The following NOL4L variants were observed in gnomAD, a reference collection of about 807,000 sequenced individuals.
NOL4L encodes nucleolar protein 4 like.
NOL4L carries 7 observed loss-of-function variants against 64.5 expected under a neutral mutation model. The observed-to-expected ratio is 0.11, with a 90% CI of 0.06 to 0.20. NOL4L has a LOEUF of 0.20. NOL4L is among the 10% of genes least tolerant of loss of function. The probability of loss-of-function intolerance (pLI) is 1.00; values close to 1 mark genes in which losing one functional copy is unlikely to be tolerated. For synonymous variants in NOL4L, 413 were observed against 401.0 expected, an observed-to-expected ratio of 1.03 and a Z score of -0.36; for missense variants, 680 against 967.1, an observed-to-expected ratio of 0.70 and a Z score of 3.94.
rs1183839888 is a variant in NOL4L, at chr20:32,452,883, C to A, written c.1620+1G>T. The A allele has an allele frequency of 1.2e-6, 2 of 1,613,748 alleles. No homozygotes were observed. The highest frequency in any genetic ancestry group is 1.3e-5 in the African/African-American group (1 of 74,946). On this transcript the variant is annotated splice_donor_variant, in intron 9 of 10. Coordinates refer to ENST00000621426, the MANE Select transcript of NOL4L (RefSeq NM_001256798.2). LOFTEE classifies it high-confidence loss of function. Reference sequence around the variant, plus strand: ...CCTGTAGTGGCTGCGGTGGCAGGTACCTGTGAGGACTGGTAGATCTCTAGA... The same window carrying A: ...CCTGTAGTGGCTGCGGTGGCAGGTAACTGTGAGGACTGGTAGATCTCTAGA...
At position 32,447,787 on chromosome 20, in the gene NOL4L, C is replaced by A. The variant is rs759964502; in HGVS notation, c.1852G>T (p.Ala618Ser). ...GPTDLSMKGG[A>S]STTSTTPTPT... ...GTGGGGGTGGTGGAGGTGGTAGAGG[C>A]CCCGCCTTTCATGCTGAGGTCCGTG... The change falls in exon 11 of 11, where the codon GCC becomes TCC. Residue 618 changes from alanine (A) to serine (S), a missense_variant. Ala to Ser is a moderately conservative substitution (Grantham distance 99). Transcript: ENST00000621426. 1.3e-6 allele frequency: 2 copies of A among 1,572,514 alleles called. No individual in the cohort carries two copies. The highest frequency in any genetic ancestry group is 2.3e-5 in the South Asian group (2 of 85,778).
intron 1 of NOL4L, among the ~76,000 whole-genome samples, chr20:32,543,133 G>A (rs1375841078): frequency 6.6e-6 from 1 of 152,164 alleles, no homozygotes; most frequent in East Asian, 1.9e-4. Flanking sequence ...TCTGCCATCA[G>A]GGGATGCAAT....
rs1485853817 is a variant in NOL4L, at chr20:32,527,709, C to G, written c.477+49G>C. 5.3e-6 allele frequency: 8 copies of G among 1,509,252 alleles called. No individual in the cohort carries two copies. The South Asian group carries it at 1.0e-4, about 19-fold the overall frequency. The allele number at this position is 1,509,252 out of a possible 1,614,324, so 93.5% of individuals were successfully genotyped here. On this transcript the variant is annotated intron_variant, in intron 2 of 10. Transcript: ENST00000621426. Reference sequence around the variant, plus strand: ...CAACATGTGCGGAGCCCGTGGCCTCCTGCCAAGGCCTGGGGCTGCCAGTGG... The same window carrying G: ...CAACATGTGCGGAGCCCGTGGCCTCGTGCCAAGGCCTGGGGCTGCCAGTGG...
rs957954677 is a variant in NOL4L at position 32,448,345 on chromosome 20, C to T, written c.1823-529G>A. ...GGAAAGCCCAGGAGGAGCTGAGAGT[C>T]GAGCCACAAAAGGCCAGGAGAAGAA... On this transcript the variant is annotated intron_variant, in intron 10 of 10. Coordinates refer to ENST00000621426, the MANE Select transcript of NOL4L (RefSeq NM_001256798.2). Among the ~76,000 whole-genome samples, 5 of 151,850 alleles carry T rather than the reference C, an allele frequency of 3.3e-5. No individual in the cohort carries two copies. The East Asian group carries it at 5.8e-4, about 18-fold the overall frequency.
intron 4 of NOL4L, among the ~76,000 whole-genome samples, chr20:32,504,376 C>T (rs991177176): frequency 2.0e-5 from 3 of 151,914 alleles, no homozygotes; most frequent in African/African-American, 4.8e-5. Flanking sequence ...CTGGCTAACA[C>T]AGTGAAACCC....
At chr20:32,534,615 G>A (rs1249583609) in intron 1 of NOL4L, among the ~76,000 whole-genome samples, 1 of 152,182 alleles carries the variant, frequency 6.6e-6, no homozygotes, top group Non-Finnish European at 1.5e-5. Context: ...CACTTTGGGA[G>A]ACAGAGGTGG....
intron 1 of NOL4L, among the ~76,000 whole-genome samples, chr20:32,544,996 G>A (rs961012168): frequency 3.3e-5 from 5 of 152,012 alleles, no homozygotes; most frequent in African/African-American, 1.2e-4. Flanking sequence ...GATCTAGGCA[G>A]TGTGACTCCA....
intron 1 of NOL4L, among the ~76,000 whole-genome samples, chr20:32,539,936 T>G (rs909275154): frequency 2.0e-5 from 3 of 152,160 alleles, no homozygotes; most frequent in Non-Finnish European, 4.4e-5. Context: ...CTCCTGCCCC[T>G]CGGCCGGGGC....
intron 2 of NOL4L, among the ~76,000 whole-genome samples, chr20:32,525,252 C>T (rs566488792): frequency 3.3e-5 from 5 of 152,212 alleles, no homozygotes; most frequent in East Asian, 1.9e-4. Context: ...TGCCTGTGGA[C>T]GAGGCTTGAT....
At chr20:32,485,259 G>A (rs2016039088) in intron 4 of NOL4L, among the ~76,000 whole-genome samples, 1 of 151,998 alleles carries the variant, frequency 6.6e-6, no homozygotes, top group African/African-American at 2.4e-5. Flanking sequence ...GAAACAGACT[G>A]CCTTTAACCC....
rs1275367391 is a variant in NOL4L at position 32,464,755 on chromosome 20, A to G, written c.842-8360T>C. On this transcript the variant is annotated intron_variant, in intron 5 of 10. Coordinates refer to ENST00000621426, the MANE Select transcript of NOL4L (RefSeq NM_001256798.2). The surrounding 1 kb of genome is among the most constrained non-coding windows in gnomAD (Gnocchi z 5.6). ...TGAGTGCCCTAGTACCCACATTTTA[A>G]AAAGTAATAAAGAAACAGGTGAAAT... 1 of 357,018 alleles carries G rather than the reference A, an allele frequency of 2.8e-6. No homozygotes were observed. Among genetic ancestry groups the G allele is most frequent in the Non-Finnish European group, 5.0e-6 (1 of 200,604 alleles). The allele number at this position is 357,018 out of a possible 1,614,324, so 22.1% of individuals were successfully genotyped here. A position where few individuals can be genotyped will look rare whatever the true frequency, so the allele number is the denominator to read the frequency against.
chr20:32,447,829 A>T lies in NOL4L; in HGVS notation c.1823-13T>A, dbSNP rs2145417226. ...AGGTCCGTGGGCCCTGTGGAGAGGG[A>T]AGTAGGGTGAGAAGGGAGCAGCCAC... On this transcript the variant is annotated splice_polypyrimidine_tract_variant and intron_variant, in intron 10 of 10. Coordinates refer to ENST00000621426, the MANE Select transcript of NOL4L (RefSeq NM_001256798.2). 1 of 1,533,284 alleles carries T rather than the reference A, an allele frequency of 6.5e-7. No homozygotes were observed. Among genetic ancestry groups the T allele is most frequent in the East Asian group, 2.3e-5 (1 of 43,828 alleles). The allele number at this position is 1,533,284 out of a possible 1,614,324, so 95.0% of individuals were successfully genotyped here. A position where few individuals can be genotyped will look rare whatever the true frequency, so the allele number is the denominator to read the frequency against.
chr20:32,479,895 C>T (rs572719835), intron 4 of NOL4L, among the ~76,000 whole-genome samples: 1 of 152,360 alleles, frequency 6.6e-6, no homozygotes, highest in South Asian at 2.1e-4. Context: ...TGACCAGACT[C>T]TCCCTGCTCT....
chr20:32,474,896 T>C (rs2015284067), intron 4 of NOL4L, 154 bp from the exon 5 acceptor site: 1 of 985,112 alleles, frequency 1.0e-6, no homozygotes, highest in African/African-American at 1.7e-5. Flanking sequence ...TGGGTGGTGC[T>C]CCCCCTTGCC....
chr20:32,554,074 A>C (rs1978478675), intron 1 of NOL4L, among the ~76,000 whole-genome samples: 1 of 152,146 alleles, frequency 6.6e-6, no homozygotes, highest in African/African-American at 2.4e-5. Context: ...TAATCCCAGC[A>C]CTTTGGGAGG....
chr20:32,556,702 C>T (rs1324345530), intron 1 of NOL4L, among the ~76,000 whole-genome samples: 4 of 152,214 alleles, frequency 2.6e-5, no homozygotes, highest in African/African-American at 9.6e-5. Context: ...CCAGGGGAAA[C>T]TGCTCTACCT....
intron 10 of NOL4L, among the ~76,000 whole-genome samples, chr20:32,451,942 A>G (rs899548787): frequency 6.6e-5 from 10 of 152,148 alleles, no homozygotes; most frequent in African/African-American, 2.4e-4. Flanking sequence ...AACCAGTGAG[A>G]GGCGCCGGTA....
chr20:32,488,807 T>TC (rs2016272328), intron 4 of NOL4L, among the ~76,000 whole-genome samples: 1 of 25,994 alleles, frequency 3.8e-5, no homozygotes, highest in Non-Finnish European at 6.5e-5. Flanking sequence ...TTCTTTCTTT[T>TC]TCTTTCTTTC....
In NOL4L at chr20:32,493,714, G is replaced by A. The variant is rs545356586; in HGVS notation, c.699+17633C>T. Among the ~76,000 whole-genome samples the A allele has an allele frequency of 1.6e-4, 25 of 152,270 alleles. No individual in the cohort carries two copies. The East Asian group carries it at 2.7e-3, about 16-fold the overall frequency. On this transcript the variant is annotated intron_variant, in intron 4 of 10. Coordinates refer to ENST00000621426, the MANE Select transcript of NOL4L (RefSeq NM_001256798.2). ...TAATAACTCAGTCATCAGTCCACAC[G>A]CATTTATTGAGCCCCTACTATGCTC...
Sources: allele counts gnomAD v4.1 joint callset (sites outside exome capture counted in the v4.1 genomes callset), GRCh38; gene constraint gnomAD v4.1.1; non-coding constraint Gnocchi (gnomAD v3.1); transcripts MANE v1.5; gene names NCBI Gene and HGNC (gene_info 2026-07-23, HGNC 2026-07-21).